Variants in RAB3GAP1 observed in about 807,000 individuals in gnomAD.
The protein encoded by RAB3GAP1 is RAB3 GTPase activating protein catalytic subunit 1, also known as rab3 GTPase-activating protein catalytic subunit.
RAB3GAP1 carries 86 observed loss-of-function variants against 130.7 expected under a neutral mutation model. The observed-to-expected ratio is 0.66, with a 90% CI of 0.55 to 0.79. The LOEUF is 0.79. Among genes scored for constraint, RAB3GAP1 ranks in the 30% least tolerant of loss-of-function variants. The pLI is 0.00. For synonymous variants in RAB3GAP1, 367 were observed against 401.7 expected (o/e 0.91, Z 1.03); for missense variants, 1,029 against 1,169.4 (o/e 0.88, Z 1.75).
intron 17 of RAB3GAP1, among the ~76,000 whole-genome samples, chr2:135,137,669 T>C (rs1278518876): frequency 1.3e-5 from 2 of 152,090 alleles, no homozygotes; most frequent in Non-Finnish European, 2.9e-5. Context: ...TCCAAAAATA[T>C]ATAGAGAGAA....
Position 135,135,282 on chromosome 2 carries a change from CAG to C in RAB3GAP1, c.1519_1520del (p.Asp507SerfsTer18). On this transcript the variant is annotated frameshift_variant, in exon 16 of 24. Coordinates refer to ENST00000264158, the MANE Select transcript of RAB3GAP1 (RefSeq NM_012233.3). LOFTEE classifies it high-confidence loss of function. Reference sequence around the variant, plus strand: ...TTTGATAGATTAGCAAGTGGACCCCCAGATCTGAGGTGTTGTTTACTGCATCA... The same window carrying C: ...TTTGATAGATTAGCAAGTGGACCCCCATCTGAGGTGTTGTTTACTGCATCA... The C allele has an allele frequency of 6.2e-7, 1 of 1,611,054 alleles. No individual in the cohort carries two copies. The highest frequency in any genetic ancestry group is 8.5e-7 in the Non-Finnish European group (1 of 1,177,312).
chr2:135,115,578 A>C (rs959789957), intron 7 of RAB3GAP1, among the ~76,000 whole-genome samples, 197 bp downstream of exon 7: 1 of 152,224 alleles, frequency 6.6e-6, no homozygotes, highest in Non-Finnish European at 1.5e-5. Context: ...TAGTGTACTC[A>C]TGCTAAAGCA....
At chr2:135,085,343 A>G (rs1262332900) in intron 3 of RAB3GAP1, among the ~76,000 whole-genome samples, 1 of 152,204 alleles carries the variant, frequency 6.6e-6, no homozygotes, top group Non-Finnish European at 1.5e-5. Context: ...ATTTTTACTG[A>G]TAGAGGTCAC....
At chr2:135,149,595 A>T (rs1012130517) in intron 17 of RAB3GAP1, among the ~76,000 whole-genome samples, 3 of 152,202 alleles carry the variant, frequency 2.0e-5, no homozygotes, top group African/African-American at 7.2e-5. Context: ...AAAGTGATGC[A>T]TGTTCATTGT....
At chr2:135,171,937 A>T (rs1692865778), downstream of RAB3GAP1, among the ~76,000 whole-genome samples, 1 of 152,158 alleles carries the variant, frequency 6.6e-6, no homozygotes, top group Non-Finnish European at 1.5e-5. Context: ...CTGAGGCAGG[A>T]GTGTACCCGG....
chr2:135,133,064 A>G (rs910864845), intron 14 of RAB3GAP1, 80 bp downstream of exon 14: 1 of 870,562 alleles, frequency 1.1e-6, no homozygotes, highest in African/African-American at 1.7e-5. Flanking sequence ...CTAGTTTAAT[A>G]GCTTACTATA....
intron 5 of RAB3GAP1, 33 bp downstream of exon 5, chr2:135,093,726 ATG>A (rs1690214984): frequency 6.6e-7 from 1 of 1,522,184 alleles, no homozygotes; most frequent in South Asian, 1.1e-5. Flanking sequence ...ATCTTTTAGT[ATG>A]TGTGTTGCGG....
chr2:135,094,169 G>A (rs540773882), intron 5 of RAB3GAP1, among the ~76,000 whole-genome samples: 6,360 of 152,206 alleles, frequency 0.042, 451 homozygotes, highest in African/African-American at 0.15. Context: ...TGGGAATGGT[G>A]AGAACCCTCC....
Position 135,135,412 on chromosome 2 carries a change from A to G in RAB3GAP1, c.1554+93A>G, listed in dbSNP as rs543584310. On this transcript the variant is annotated intron_variant, in intron 16 of 23. Transcript: ENST00000264158. ...TAATAATGGGTTACATGCTGTTCTC[A>G]TGGTGCTGCTGTAGGTTGCCTATAG... 1.4e-5 allele frequency: 20 copies of G among 1,448,312 alleles called. 1 individual carries two copies. Among genetic ancestry groups the G allele is most frequent in the South Asian group, 1.2e-4 (10 of 86,482 alleles). 89.7% of individuals were successfully genotyped at this position (1,448,312 alleles called of 1,614,324 possible).
intron 3 of RAB3GAP1, among the ~76,000 whole-genome samples, chr2:135,081,186 A>G (rs1029432381): frequency 6.7e-6 from 1 of 150,220 alleles, no homozygotes; most frequent in African/African-American, 2.4e-5. Flanking sequence ...GGGTGCCTGT[A>G]GTCCCAGCTA....
Position 135,169,025 on chromosome 2 carries a change from T to TG in RAB3GAP1, c.*251dup, listed in dbSNP as rs1453003050. 13 of 54,110 alleles carry TG rather than the reference T, an allele frequency of 2.4e-4. No homozygotes were observed. Among genetic ancestry groups the TG allele is most frequent in the African/African-American group, 1.4e-3 (4 of 2,934 alleles). The allele number at this position is 54,110 out of a possible 1,614,324, so 3.4% of individuals were successfully genotyped here. A position where few individuals can be genotyped will look rare whatever the true frequency, so the allele number is the denominator to read the frequency against. ...CTGCCCTAGAGATGGCCTTTGTATA[T>TG]GGGGGGGTGGTGGGGGGACACAAAC... On this transcript the variant is annotated 3_prime_UTR_variant, in exon 24 of 24. Coordinates refer to ENST00000264158, the MANE Select transcript of RAB3GAP1 (RefSeq NM_012233.3).
At position 135,093,109 on chromosome 2, in the gene RAB3GAP1, G is replaced by A. The variant is rs566313095; in HGVS notation, c.284-506G>A. Among the ~76,000 whole-genome samples, 3 of 152,168 alleles carry A rather than the reference G, an allele frequency of 2.0e-5. No individual in the cohort carries two copies. The South Asian group carries it at 6.2e-4, about 32-fold the overall frequency. On this transcript the variant is annotated intron_variant, in intron 4 of 23. Coordinates refer to ENST00000264158, the MANE Select transcript of RAB3GAP1 (RefSeq NM_012233.3). ...GCATTGAATTTGTCATGTATTTATG[G>A]GTATAATGATCTTTTATGTTAGTAC...
Position 135,117,453 on chromosome 2 carries a change from TCTG to T in RAB3GAP1, c.648+2075_648+2077del, listed in dbSNP as rs1209331264. On this transcript the variant is annotated intron_variant, in intron 7 of 23. Transcript: ENST00000264158. ...TTCTTCTTCTTCTTCTTCTTCTTCTTCTGCTTCTGCTTCTGCTTCTGCTTCTTC... is the reference window on the plus strand; with the variant it reads ...TTCTTCTTCTTCTTCTTCTTCTTCTTCTTCTGCTTCTGCTTCTGCTTCTTC... Among the ~76,000 whole-genome samples, 960 of 103,726 alleles carry T rather than the reference TCTG, an allele frequency of 9.3e-3. 15 individuals are homozygous for T. Among genetic ancestry groups the T allele is most frequent in the African/African-American group, 0.03 (759 of 24,962 alleles). 68.0% of individuals were successfully genotyped at this position (103,726 alleles called of 152,430 possible).
chr2:135,129,382 G>A (rs1489037097), intron 11 of RAB3GAP1, among the ~76,000 whole-genome samples: 1 of 151,254 alleles, frequency 6.6e-6, no homozygotes, highest in Non-Finnish European at 1.5e-5. Flanking sequence ...AACCTGGGAG[G>A]TGGAGCTTGC....
intron 17 of RAB3GAP1, among the ~76,000 whole-genome samples, chr2:135,140,123 C>T (rs968903990): frequency 6.6e-6 from 1 of 152,264 alleles, no homozygotes; most frequent in Middle Eastern, 3.4e-3. Flanking sequence ...GAATTTGTCA[C>T]AATTTGTTTA....
intron 7 of RAB3GAP1, among the ~76,000 whole-genome samples, chr2:135,117,537 T>TCTTCTTCTG (rs1691027037): frequency 7.4e-6 from 1 of 134,532 alleles, no homozygotes; most frequent in Non-Finnish European, 1.7e-5. Context: ...TTCTGCTTCT[T>TCTTCTTCTG]CTTCTGCTTC....
intron 18 of RAB3GAP1, among the ~76,000 whole-genome samples, chr2:135,152,460 G>C (rs1293758937): frequency 6.6e-6 from 1 of 152,174 alleles, no homozygotes; most frequent in Admixed American, 6.5e-5. Context: ...TTCTTTTGAA[G>C]TTTATGCTCT....
At chr2:135,075,938 G>T (rs181958201) in intron 3 of RAB3GAP1, among the ~76,000 whole-genome samples, 3 of 148,272 alleles carry the variant, frequency 2.0e-5, no homozygotes, top group Non-Finnish European at 4.5e-5. Context: ...TTGAGACGGG[G>T]TCTCACTCTG....
intron 7 of RAB3GAP1, among the ~76,000 whole-genome samples, chr2:135,117,582 G>GCTTCTTCTTCTGCTTCTTCTTCTGCTT (rs1558784403): frequency 2.6e-4 from 16 of 60,632 alleles, no homozygotes; most frequent in African/African-American, 6.3e-4. Flanking sequence ...TTCTTCTTCT[G>GCTTCTTCTTCTGCTTCTTCTTCTGCTT]CTTCTTCTTC....
Sources: allele counts gnomAD v4.1 joint callset (sites outside exome capture counted in the v4.1 genomes callset), GRCh38; gene constraint gnomAD v4.1.1; transcripts MANE v1.5; gene names NCBI Gene and HGNC (gene_info 2026-07-23, HGNC 2026-07-21).